LMX1B: variants seen among roughly 807,000 people sequenced by gnomAD.
LMX1B encodes LIM homeobox transcription factor 1 beta.
LMX1B carries 12 observed loss-of-function variants against 51.4 expected under a neutral mutation model. That is an observed-to-expected ratio of 0.23 (90% CI 0.15 to 0.38). LMX1B has a LOEUF of 0.38. LMX1B is among the 10% of genes least tolerant of loss of function. LMX1B has a pLI of 1.00. For synonymous variants in LMX1B, 237 were observed against 235.4 expected, an observed-to-expected ratio of 1.01 and a Z score of -0.06; for missense variants, 445 against 571.1, an observed-to-expected ratio of 0.78 and a Z score of 2.25.
intron 3 of LMX1B, among the ~76,000 whole-genome samples, chr9:126,692,365 G>A (rs919060318): frequency 6.6e-6 from 1 of 152,216 alleles, no homozygotes. Flanking sequence ...GTGGTGGCTG[G>A]GGAGGCTTGG....
chr9:126,620,952 G>A (rs1835399070), intron 2 of LMX1B, among the ~76,000 whole-genome samples: 1 of 152,180 alleles, frequency 6.6e-6, no homozygotes, highest in African/African-American at 2.4e-5. Flanking sequence ...AGGAAGATGA[G>A]GTTTAAAAGG....
chr9:126,646,528 A>C (rs1269686933), intron 2 of LMX1B, among the ~76,000 whole-genome samples: 1 of 152,188 alleles, frequency 6.6e-6, no homozygotes, highest in Non-Finnish European at 1.5e-5. Context: ...TACAGGCATC[A>C]CCTGCCCTCG....
chr9:126,651,479 G>A (rs747907862), intron 2 of LMX1B, among the ~76,000 whole-genome samples: 11 of 152,068 alleles, frequency 7.2e-5, no homozygotes, highest in Admixed American at 2.0e-4. Flanking sequence ...CCTCCTGTTG[G>A]GGGTCTTTGT....
chr9:126,699,933 G>A lies in LMX1B; in HGVS notation c.*3482G>A, dbSNP rs765036433. 1.3e-5 allele frequency: 2 copies of A among 152,310 alleles called. No individual in the cohort carries two copies. The highest frequency in any genetic ancestry group is 2.9e-5 in the Non-Finnish European group (2 of 68,098). The allele number at this position is 152,310 out of a possible 1,614,324, so 9.4% of individuals were successfully genotyped here. A position where few individuals can be genotyped will look rare whatever the true frequency, so the allele number is the denominator to read the frequency against. On this transcript the variant is annotated 3_prime_UTR_variant, in exon 8 of 8. Coordinates refer to ENST00000373474, the MANE Select transcript of LMX1B (RefSeq NM_001174147.2). ...CTAAGGGGGCTGGAGTGGGAAGAGG[G>A]AGATAACTGTGTGGTCTCCAGAGCA...
chr9:126,664,413 G>T (rs1014135282), intron 2 of LMX1B, among the ~76,000 whole-genome samples: 3 of 152,210 alleles, frequency 2.0e-5, no homozygotes, highest in African/African-American at 7.2e-5. Flanking sequence ...AGGGATGGGG[G>T]GGAGGCAGTT....
In LMX1B at chr9:126,696,016, A is replaced by ACGGGGGGGCCCC; in HGVS notation, c.1051+14_1051+15insGGGGGGGCCCCC. ...ATGAACCCCTATGGTAAGCCGCCCT[A>ACGGGGGGGCCCC]CCCCCACCCGCCCGCCCCAGCACAG... On this transcript the variant is annotated intron_variant, in intron 7 of 7. Coordinates refer to ENST00000373474, the MANE Select transcript of LMX1B (RefSeq NM_001174147.2). 1 of 1,512,700 alleles carries ACGGGGGGGCCCC rather than the reference A, an allele frequency of 6.6e-7. No individual in the cohort carries two copies. The allele number at this position is 1,512,700 out of a possible 1,614,324, so 93.7% of individuals were successfully genotyped here. A position where few individuals can be genotyped will look rare whatever the true frequency, so the allele number is the denominator to read the frequency against.
At chr9:126,650,659 A>G (rs13300602) in intron 2 of LMX1B, among the ~76,000 whole-genome samples, 70,629 of 152,014 alleles carry the variant, frequency 0.46, 17,731 homozygotes, top group East Asian at 0.85. Context: ...ACTGCCCACC[A>G]CTCAGGCCAG....
rs113743497 is a variant in LMX1B, at chr9:126,616,437, C to T, written c.326+868C>T. ...GGGGACAGACAACAGGACATGCAGG[C>T]TTTTTCTTTTGACCTCCTGGGTTTT... On this transcript the variant is annotated intron_variant, in intron 2 of 7. Transcript: ENST00000373474. Among the ~76,000 whole-genome samples, 48 of 152,322 alleles carry T rather than the reference C, an allele frequency of 3.2e-4. 1 individual carries two copies. Among genetic ancestry groups the T allele is most frequent in the African/African-American group, 8.9e-4 (37 of 41,568 alleles).
intron 2 of LMX1B, among the ~76,000 whole-genome samples, chr9:126,681,133 C>A (rs1478737309): frequency 6.6e-6 from 1 of 152,198 alleles, no homozygotes. Context: ...ATGGACACGG[C>A]TGCTCACCCT....
At chr9:126,631,509 G>C (rs4073437) in intron 2 of LMX1B, among the ~76,000 whole-genome samples, 3 of 150,274 alleles carry the variant, frequency 2.0e-5, no homozygotes, top group Admixed American at 6.6e-5. Context: ...GGCTCAGCTC[G>C]GCCGGCCGGG....
At position 126,658,225 on chromosome 9, in the gene LMX1B, T is replaced by C. The variant is rs530858486; in HGVS notation, c.327-32611T>C. 3.2e-4 allele frequency among the ~76,000 whole-genome samples: 49 copies of C among 151,054 alleles called. No homozygotes were observed. The highest frequency in any genetic ancestry group is 6.4e-4 in the Non-Finnish European group (43 of 67,694). ...GGAGTGGGACAGGGCAGGAGGGGGG[T>C]GAGTCTACAAAGGGTACCAAATGTC... On this transcript the variant is annotated intron_variant, in intron 2 of 7. Transcript: ENST00000373474. This position sits in a 1 kb window ranked among gnomAD's most constrained non-coding sequence, Gnocchi z 4.0.
chr9:126,682,894 GAAAAAAAAAAAA>G (rs577172677), intron 2 of LMX1B, among the ~76,000 whole-genome samples: 1 of 86,140 alleles, frequency 1.2e-5, no homozygotes, highest in Non-Finnish European at 2.2e-5. Flanking sequence ...CACTCTGTCT[GAAAAAAAAAAAA>G]AAAAAAAAAG....
chr9:126,663,377 A>T (rs1464258386), intron 2 of LMX1B, among the ~76,000 whole-genome samples: 1 of 151,206 alleles, frequency 6.6e-6, no homozygotes, highest in East Asian at 1.9e-4. Context: ...TGAGCCGAGA[A>T]CACACCACTG....
At chr9:126,623,638 G>C (rs577374822) in intron 2 of LMX1B, among the ~76,000 whole-genome samples, 2 of 152,098 alleles carry the variant, frequency 1.3e-5, no homozygotes, top group Admixed American at 6.5e-5. Flanking sequence ...CTCCTATACC[G>C]ACCTTCCGGA....
At chr9:126,688,853 C>A (rs1246175277) in intron 2 of LMX1B, among the ~76,000 whole-genome samples, 1 of 152,194 alleles carries the variant, frequency 6.6e-6, no homozygotes, top group East Asian at 1.9e-4. Flanking sequence ...CTCACGGAGG[C>A]CCCCTTGAGG....
chr9:126,643,063 A>C (rs1349860351), intron 2 of LMX1B, among the ~76,000 whole-genome samples: 1 of 152,232 alleles, frequency 6.6e-6, no homozygotes, highest in Non-Finnish European at 1.5e-5. Context: ...GCAGGGGCAC[A>C]GCTTGCTGGT....
At chr9:126,696,248 G>T in intron 7 of LMX1B, 46 bp from the exon 8 acceptor site, 1 of 1,600,370 alleles carries the variant, frequency 6.2e-7, no homozygotes, top group Non-Finnish European at 8.6e-7. Flanking sequence ...GGGCCCCCAG[G>T]AGCCCCAGCC....
chr9:126,683,429 C>A (rs1836714563), intron 2 of LMX1B, among the ~76,000 whole-genome samples: 1 of 152,208 alleles, frequency 6.6e-6, no homozygotes, highest in African/African-American at 2.4e-5. Context: ...AAGGACGCGG[C>A]AGGCACGTGG....
rs768917303 is a variant in LMX1B at position 126,671,104 on chromosome 9, C to G, written c.327-19732C>G. On this transcript the variant is annotated intron_variant, in intron 2 of 7. Coordinates refer to ENST00000373474, the MANE Select transcript of LMX1B (RefSeq NM_001174147.2). This position sits in a 1 kb window ranked among gnomAD's most constrained non-coding sequence, Gnocchi z 4.4. ...TATCAGCTGGGACACCTCCCATACT[C>G]TCCAGAGTTTGGCACCCAGGCACAG... Among the ~76,000 whole-genome samples the G allele has an allele frequency of 4.8e-4, 73 of 152,274 alleles. 1 individual carries two copies. The highest frequency in any genetic ancestry group is 7.1e-4 in the Non-Finnish European group (48 of 68,014).
Sources: allele counts gnomAD v4.1 joint callset (sites outside exome capture counted in the v4.1 genomes callset), GRCh38; gene constraint gnomAD v4.1.1; non-coding constraint Gnocchi (gnomAD v3.1); transcripts MANE v1.5; gene names NCBI Gene and HGNC (gene_info 2026-07-23, HGNC 2026-07-21).